The following PTPRE variants were observed in gnomAD, a reference collection of about 807,000 sequenced individuals.
PTPRE encodes protein tyrosine phosphatase receptor type E.
Under a neutral mutation model 102.0 loss-of-function variants are expected in PTPRE, and 51 were observed. The ratio of observed to expected loss-of-function variants is 0.50; its 90% confidence interval spans 0.40 to 0.63. PTPRE has a LOEUF of 0.63. Among genes scored for constraint, PTPRE ranks in the 30% least tolerant of loss-of-function variants. The pLI is 0.00. For missense variants in PTPRE, 752 were observed against 915.1 expected, an observed-to-expected ratio of 0.82 and a Z score of 2.30; for synonymous variants, 345 against 348.2, an observed-to-expected ratio of 0.99 and a Z score of 0.10.
In PTPRE at chr10:127,982,182, C is replaced by T. The variant is rs145009369; in HGVS notation, c.-30-92C>T. On this transcript the variant is annotated intron_variant, in intron 1 of 20. Transcript: ENST00000254667. ...AACAATTAAGCAAAAATGGGATAGT[C>T]GACTAGTGCTGTACAGAAGGAAATG... 73 of 742,404 alleles carry T rather than the reference C, an allele frequency of 9.8e-5. No individual in the cohort carries two copies. In the African/African-American group the frequency reaches 1.1e-3, roughly 11 times the overall value. 46.0% of individuals were successfully genotyped at this position (742,404 alleles called of 1,614,324 possible).
chr10:128,079,534 C>T (rs1276356951), intron 19 of PTPRE, 26 bp from the exon 20 acceptor site: 1 of 1,608,668 alleles, frequency 6.2e-7, no homozygotes, highest in Non-Finnish European at 8.5e-7. Flanking sequence ...GTCGGATGAT[C>T]TGCATTAAGC....
Position 128,047,501 on chromosome 10 carries a change from C to CCGGGG in PTPRE, c.209+14_209+18dup. 6.2e-7 allele frequency: 1 copy of CCGGGG among 1,613,188 alleles called. No homozygotes were observed. ...GCCTACTTCTTCAGGTAGGAGTGTC[C>CCGGGG]CGGGGCACTGACTTGCCCCAACCAG... On this transcript the variant is annotated intron_variant, in intron 4 of 20. Coordinates refer to ENST00000254667, the MANE Select transcript of PTPRE (RefSeq NM_006504.6).
intron 10 of PTPRE, among the ~76,000 whole-genome samples, chr10:128,064,982 G>A (rs1488504770): frequency 6.6e-6 from 1 of 152,148 alleles, no homozygotes. Flanking sequence ...TCCTACTGGA[G>A]AGCCTTCAAG....
chr10:127,952,176 C>G (rs539872317), intron 1 of PTPRE, among the ~76,000 whole-genome samples: 9 of 152,302 alleles, frequency 5.9e-5, no homozygotes, highest in Admixed American at 5.9e-4. Context: ...AGATATCACA[C>G]TGGTCCACTA....
chr10:128,009,412 A>G (rs537761780), intron 2 of PTPRE, among the ~76,000 whole-genome samples: 31 of 152,122 alleles, frequency 2.0e-4, no homozygotes, highest in African/African-American at 7.2e-4. Flanking sequence ...TTCGTGAACA[A>G]CTCGGGGAGA....
intron 17 of PTPRE, 21 bp downstream of exon 17, chr10:128,073,492 C>T (rs377130226): frequency 2.5e-5 from 40 of 1,602,490 alleles, no homozygotes; most frequent in South Asian, 7.8e-5. Context: ...CCGCCCAGCC[C>T]GGTCCCTCCA....
intron 2 of PTPRE, among the ~76,000 whole-genome samples, chr10:128,021,892 G>A (rs925466201): frequency 2.0e-5 from 3 of 152,216 alleles, no homozygotes; most frequent in Non-Finnish European, 4.4e-5. Context: ...CTCTGATGGC[G>A]AGTCTTCATT....
intron 1 of PTPRE, among the ~76,000 whole-genome samples, chr10:127,926,136 G>A (rs1846992781): frequency 6.6e-6 from 1 of 152,170 alleles, no homozygotes; most frequent in African/African-American, 2.4e-5. Context: ...TCTCAAGGCA[G>A]AGTAGCCAGT....
intron 2 of PTPRE, among the ~76,000 whole-genome samples, chr10:128,038,918 G>C (rs987926597): frequency 3.3e-5 from 5 of 152,254 alleles, no homozygotes; most frequent in African/African-American, 1.2e-4. Context: ...ATCACCTGTG[G>C]CTCTCCTGAG....
intron 1 of PTPRE, among the ~76,000 whole-genome samples, chr10:127,954,116 T>G (rs1375792841): frequency 6.6e-6 from 1 of 152,138 alleles, no homozygotes; most frequent in East Asian, 1.9e-4. Context: ...AATGACCTGT[T>G]CTGTGAATAT....
chr10:127,953,383 C>G (rs190300061), intron 1 of PTPRE, among the ~76,000 whole-genome samples: 3 of 152,330 alleles, frequency 2.0e-5, no homozygotes, highest in South Asian at 2.1e-4. Flanking sequence ...TTTTGAGAGA[C>G]AACTCTTGGC....
At chr10:127,931,454 G>C (rs1216762856) in intron 1 of PTPRE, among the ~76,000 whole-genome samples, 1 of 152,184 alleles carries the variant, frequency 6.6e-6, no homozygotes, top group Non-Finnish European at 1.5e-5. Flanking sequence ...CGTCTACTTT[G>C]CTCAAAGTCC....
At chr10:128,039,701 G>A (rs920634471) in intron 2 of PTPRE, among the ~76,000 whole-genome samples, 2 of 152,012 alleles carry the variant, frequency 1.3e-5, no homozygotes, top group Admixed American at 1.3e-4. Context: ...TTCTGAAATG[G>A]GTCCATTTGC....
chr10:128,059,304 G>A (rs1244137649), intron 7 of PTPRE, among the ~76,000 whole-genome samples: 2 of 152,176 alleles, frequency 1.3e-5, no homozygotes, highest in Admixed American at 6.5e-5. Context: ...TGACTCCCTG[G>A]CCACCCTGTG....
At chr10:127,952,983 G>A (rs1440251923) in intron 1 of PTPRE, among the ~76,000 whole-genome samples, 2 of 152,192 alleles carry the variant, frequency 1.3e-5, no homozygotes, top group East Asian at 1.9e-4. Flanking sequence ...TATGGGGCAT[G>A]TCAAGATATC....
intron 2 of PTPRE, chr10:127,999,497 G>A (rs750775578): frequency 1.4e-5 from 14 of 983,310 alleles, no homozygotes; most frequent in Non-Finnish European, 1.6e-5. Flanking sequence ...GGGCGCTCTC[G>A]CCTTCTGTTC....
chr10:128,020,899 T>C (rs1845821167), intron 2 of PTPRE, among the ~76,000 whole-genome samples: 1 of 151,774 alleles, frequency 6.6e-6, no homozygotes, highest in Admixed American at 6.6e-5. Flanking sequence ...TCTTTTTTTT[T>C]TCTTTTTTTT....
chr10:127,928,930 C>T (rs1009703100), intron 1 of PTPRE, among the ~76,000 whole-genome samples: 12 of 152,184 alleles, frequency 7.9e-5, no homozygotes, highest in Non-Finnish European at 1.2e-4. Context: ...TGTGTAGCTA[C>T]GGAAAGCGAA....
At chr10:127,986,056 A>C (rs1482624253) in intron 2 of PTPRE, among the ~76,000 whole-genome samples, 2 of 152,176 alleles carry the variant, frequency 1.3e-5, no homozygotes. Context: ...ACACCACTGC[A>C]CTCCAGCCTG....
Sources: gnomAD v4.1 joint callset for allele counts (sites outside exome capture counted in the v4.1 genomes callset) on GRCh38, gnomAD v4.1.1 for gene constraint, MANE v1.5 for transcripts, NCBI Gene and HGNC (gene_info 2026-07-23, HGNC 2026-07-21) for gene names.